Variants in ARHGAP24 observed in about 807,000 individuals in gnomAD.
The protein encoded by ARHGAP24 is rho GTPase-activating protein 24.
Under a neutral mutation model 76.4 loss-of-function variants are expected in ARHGAP24, and 50 were observed. The observed-to-expected ratio is 0.65, with a 90% CI of 0.52 to 0.83. The LOEUF (loss-of-function observed/expected upper bound fraction) is 0.83. Among genes scored for constraint, ARHGAP24 ranks in the 40% least tolerant of loss-of-function variants. The pLI, the probability that ARHGAP24 is intolerant of heterozygous loss-of-function variation, is 0.00. For missense variants in ARHGAP24, 930 were observed against 914.2 expected (o/e 1.02, Z -0.22); for synonymous variants, 345 against 323.3 (o/e 1.07, Z -0.72).
At chr4:85,834,319 G>A (rs867645793) in intron 3 of ARHGAP24, among the ~76,000 whole-genome samples, 7 of 152,066 alleles carry the variant, frequency 4.6e-5, no homozygotes, top group South Asian at 2.1e-4. Flanking sequence ...CCTTTTTTAT[G>A]TTAAATAAAT....
At chr4:85,801,958 C>T (rs1282765484) in intron 3 of ARHGAP24, among the ~76,000 whole-genome samples, 1 of 152,198 alleles carries the variant, frequency 6.6e-6, no homozygotes, top group Admixed American at 6.5e-5. Context: ...AATTAAGATA[C>T]ATACAAAGCC....
chr4:85,839,982 T>C (rs868259925), intron 3 of ARHGAP24, among the ~76,000 whole-genome samples: 3 of 150,220 alleles, frequency 2.0e-5, no homozygotes, highest in African/African-American at 7.3e-5. Context: ...CCTGAGTCAC[T>C]GGGATTACAG....
intron 8 of ARHGAP24, among the ~76,000 whole-genome samples, chr4:85,980,499 A>G (rs894006578): frequency 3.9e-5 from 6 of 152,306 alleles, no homozygotes; most frequent in Admixed American, 2.6e-4. Context: ...GGATAACAAT[A>G]CCAACACCAG....
At chr4:85,937,510 A>G (rs1415224351) in intron 4 of ARHGAP24, among the ~76,000 whole-genome samples, 1 of 152,216 alleles carries the variant, frequency 6.6e-6, no homozygotes, top group East Asian at 1.9e-4. Context: ...ATGTAGTGAA[A>G]TTAAGTGGAG....
intron 3 of ARHGAP24, among the ~76,000 whole-genome samples, chr4:85,738,358 A>G (rs1268182232): frequency 2.7e-5 from 4 of 147,356 alleles, no homozygotes; most frequent in Non-Finnish European, 6.0e-5. Flanking sequence ...CCTAGTTTTC[A>G]TTTGGGCTTT....
At chr4:85,665,729 A>C (rs1486256619) in intron 2 of ARHGAP24, among the ~76,000 whole-genome samples, 1 of 152,162 alleles carries the variant, frequency 6.6e-6, no homozygotes, top group Non-Finnish European at 1.5e-5. Context: ...AAAATCTCTC[A>C]GCATTTGCTT....
At chr4:85,944,872 A>C (rs1418613441) in intron 5 of ARHGAP24, among the ~76,000 whole-genome samples, 1 of 151,804 alleles carries the variant, frequency 6.6e-6, no homozygotes, top group African/African-American at 2.4e-5. Flanking sequence ...TTTGAGATGG[A>C]GTTTCATTCT....
intron 3 of ARHGAP24, among the ~76,000 whole-genome samples, chr4:85,822,199 A>T (rs187195381): frequency 1.3e-5 from 2 of 152,288 alleles, no homozygotes; most frequent in Admixed American, 1.3e-4. Flanking sequence ...AAAAAGTGAA[A>T]TGTTCAATTA....
chr4:85,515,487 C>CATATATATAT, intron 1 of ARHGAP24, among the ~76,000 whole-genome samples: 1 of 144,996 alleles, frequency 6.9e-6, no homozygotes. Context: ...TAAACTAGGA[C>CATATATATAT]ATATATATAT....
intron 2 of ARHGAP24, among the ~76,000 whole-genome samples, chr4:85,686,079 T>C (rs1723412696): frequency 2.0e-5 from 3 of 152,218 alleles, no homozygotes. Context: ...CTCAGGATAG[T>C]TGGTAGTTTT....
chr4:85,513,133 A>G (rs989277715), intron 1 of ARHGAP24, among the ~76,000 whole-genome samples: 2 of 152,266 alleles, frequency 1.3e-5, no homozygotes, highest in African/African-American at 4.8e-5. Flanking sequence ...TGGACCTCCA[A>G]TTATCCACAG....
chr4:85,652,042 T>C (rs1223470288), intron 2 of ARHGAP24, among the ~76,000 whole-genome samples: 2 of 152,164 alleles, frequency 1.3e-5, no homozygotes, highest in South Asian at 4.1e-4. Flanking sequence ...GGTCTATTGT[T>C]TTGTTTGCCT....
intron 2 of ARHGAP24, among the ~76,000 whole-genome samples, chr4:85,635,245 C>G (rs2109965969): frequency 6.6e-6 from 1 of 151,496 alleles, no homozygotes; most frequent in South Asian, 2.1e-4. Context: ...TGGTGCCAAA[C>G]CATTGATGTG....
Position 85,797,152 on chromosome 4 carries a change from A to T in ARHGAP24, c.268+75180A>T, listed in dbSNP as rs1389438567. ...GGTAGCAGCTGGGAAAGGAAAAAAA[A>T]TTTTTTTTGTTTTTTTTTTTGTTTT... On this transcript the variant is annotated intron_variant, in intron 3 of 9. Coordinates refer to ENST00000395184, the MANE Select transcript of ARHGAP24 (RefSeq NM_001025616.3). 6.6e-5 allele frequency among the ~76,000 whole-genome samples: 9 copies of T among 136,714 alleles called. No homozygotes were observed. The East Asian group carries it at 1.2e-3, about 18-fold the overall frequency. 89.7% of individuals were successfully genotyped at this position (136,714 alleles called of 152,430 possible). A position where few individuals can be genotyped will look rare whatever the true frequency, so the allele number is the denominator to read the frequency against.
intron 3 of ARHGAP24, among the ~76,000 whole-genome samples, chr4:85,796,434 T>C (rs1036938533): frequency 6.6e-6 from 1 of 152,150 alleles, no homozygotes; most frequent in African/African-American, 2.4e-5. Context: ...TCAGAACTTT[T>C]CTAGTTCTAG....
At chr4:85,540,894 G>A (rs1328498312) in intron 1 of ARHGAP24, among the ~76,000 whole-genome samples, 1 of 144,070 alleles carries the variant, frequency 6.9e-6, no homozygotes, top group Admixed American at 6.7e-5. Flanking sequence ...GAACAGCCTT[G>A]GAAGCTAAAG....
chr4:85,683,127 GT>G (rs1560583990), intron 2 of ARHGAP24, among the ~76,000 whole-genome samples: 22 of 98,822 alleles, frequency 2.2e-4, no homozygotes, highest in Non-Finnish European at 2.9e-4. Flanking sequence ...TGGGGGGGGG[GT>G]GCGGGGGCTG....
intron 5 of ARHGAP24, among the ~76,000 whole-genome samples, chr4:85,962,247 A>G (rs1738302243): frequency 1.3e-5 from 2 of 152,134 alleles, no homozygotes; most frequent in South Asian, 4.1e-4. Flanking sequence ...ATGAAAAAAT[A>G]CTATTAAGTG....
chr4:85,613,743 A>AT (rs920229967), intron 2 of ARHGAP24, among the ~76,000 whole-genome samples: 117 of 152,268 alleles, frequency 7.7e-4, no homozygotes, highest in African/African-American at 2.8e-3. Flanking sequence ...CTGTCTCCAA[A>AT]TTATCACAGG....
Sources: allele counts gnomAD v4.1 joint callset (sites outside exome capture counted in the v4.1 genomes callset), GRCh38; gene constraint gnomAD v4.1.1; transcripts MANE v1.5; gene names NCBI Gene and HGNC (gene_info 2026-07-23, HGNC 2026-07-21).